Variants in KAZN observed in about 807,000 individuals in gnomAD.
KAZN encodes the protein kazrin.
Under a neutral mutation model 87.4 loss-of-function variants are expected in KAZN, and 40 were observed. That is an observed-to-expected ratio of 0.46 (90% CI 0.36 to 0.60). The LOEUF (loss-of-function observed/expected upper bound fraction) is 0.60. KAZN is among the 20% of genes least tolerant of loss of function. The pLI is 0.00. For synonymous variants in KAZN, 466 were observed against 458.3 expected (o/e 1.02, Z -0.22); for missense variants, 898 against 1,073.9 (o/e 0.84, Z 2.29).
rs569977547 is a variant in KAZN, at chr1:13,911,387, C to T, written c.91+17631C>T. ...TATAAACAACCAGATCTTGGAGAAC[C>T]CACTCACTTTCGGGATCCTGAAGTC... On this transcript the variant is annotated intron_variant, in intron 1 of 16. Transcript: ENST00000636203. Among the ~76,000 whole-genome samples, 12 of 152,202 alleles carry T rather than the reference C, an allele frequency of 7.9e-5. No individual in the cohort carries two copies. The East Asian group carries it at 2.3e-3, about 29-fold the overall frequency.
At chr1:13,923,988 G>A (rs1214340240) in intron 1 of KAZN, among the ~76,000 whole-genome samples, 1 of 152,172 alleles carries the variant, frequency 6.6e-6, no homozygotes, top group Non-Finnish European at 1.5e-5. Context: ...GGGCAGAGTG[G>A]CCTTTGGCTG....
intron 2 of KAZN, among the ~76,000 whole-genome samples, chr1:14,375,116 C>A (rs2101029171): frequency 6.6e-6 from 1 of 152,210 alleles, no homozygotes; most frequent in African/African-American, 2.4e-5. Flanking sequence ...TTAATGACCT[C>A]TATTGAAGGT....
chr1:14,381,956 A>G (rs981261180), intron 2 of KAZN, among the ~76,000 whole-genome samples: 1 of 152,222 alleles, frequency 6.6e-6, no homozygotes, highest in Non-Finnish European at 1.5e-5. Context: ...AAACTATTAG[A>G]ACTGATCAAC....
chr1:15,117,135 C>G lies in KAZN; in HGVS notation c.*2500C>G, dbSNP rs72640735. On this transcript the variant is annotated 3_prime_UTR_variant, in exon 15 of 15. Transcript: ENST00000376030. ...TGAAACGTCAACTCTGCTTCAAGGT[C>G]GGCAAGAAGAACAGAAGGCGGAGAC... The G allele has an allele frequency of 0.13, 20,237 of 152,164 alleles. 1,564 individuals are homozygous for G. Among genetic ancestry groups the G allele is most frequent in the South Asian group, 0.18 (859 of 4,816 alleles). The allele number at this position is 152,164 out of a possible 1,614,324, so 9.4% of individuals were successfully genotyped here.
intron 2 of KAZN, among the ~76,000 whole-genome samples, chr1:14,397,707 A>G (rs1002345289): frequency 4.6e-5 from 7 of 151,922 alleles, no homozygotes; most frequent in African/African-American, 1.7e-4. Flanking sequence ...AAATACAAAA[A>G]AAAATTAGCT....
chr1:14,638,041 T>C (rs1175319356), intron 1 of KAZN, among the ~76,000 whole-genome samples: 1 of 152,130 alleles, frequency 6.6e-6, no homozygotes, highest in Non-Finnish European at 1.5e-5. Context: ...TCCCTGTCTC[T>C]GTCTTTACCT....
intron 2 of KAZN, among the ~76,000 whole-genome samples, chr1:14,466,738 G>A (rs977788177): frequency 1.6e-4 from 25 of 151,900 alleles, no homozygotes; most frequent in Non-Finnish European, 2.8e-4. Context: ...GGAGGCCGAG[G>A]TGGGCAGATC....
At chr1:14,437,153 A>G (rs2101424897) in intron 2 of KAZN, among the ~76,000 whole-genome samples, 1 of 152,324 alleles carries the variant, frequency 6.6e-6, no homozygotes, top group African/African-American at 2.4e-5. Context: ...TCAGTGAGTC[A>G]GAGCCATGTG....
At chr1:14,110,332 A>G (rs1557483319) in intron 1 of KAZN, among the ~76,000 whole-genome samples, 1 of 152,202 alleles carries the variant, frequency 6.6e-6, no homozygotes, top group Non-Finnish European at 1.5e-5. Context: ...ATTACATAAG[A>G]TATATTAATA....
At chr1:14,348,336 G>A (rs1658267973) in intron 2 of KAZN, among the ~76,000 whole-genome samples, 3 of 152,276 alleles carry the variant, frequency 2.0e-5, no homozygotes, top group African/African-American at 7.2e-5. Flanking sequence ...ACAGGTGTGA[G>A]CCACTGTGCC....
chr1:14,971,751 T>C (rs1665074379), intron 2 of KAZN, among the ~76,000 whole-genome samples: 2 of 147,350 alleles, frequency 1.4e-5, no homozygotes, highest in South Asian at 4.5e-4. Context: ...GCGCGATCTC[T>C]GCTCACTGCA....
chr1:14,846,275 T>G (rs978915100), intron 1 of KAZN, among the ~76,000 whole-genome samples: 23 of 152,186 alleles, frequency 1.5e-4, no homozygotes. Context: ...ATCTAGCATT[T>G]CCCAAATGTA....
At chr1:14,868,065 T>C (rs12094795) in intron 1 of KAZN, among the ~76,000 whole-genome samples, 13,647 of 74,028 alleles carry the variant, frequency 0.18, 1,103 homozygotes, top group African/African-American at 0.31. Flanking sequence ...CGCACAGCAT[T>C]GCATACACAG....
In KAZN at chr1:15,112,861, G is replaced by C. The variant is rs147182073; in HGVS notation, c.2163+320G>C. 118 of 244,064 alleles carry C rather than the reference G, an allele frequency of 4.8e-4. 1 individual carries two copies. In the South Asian group the frequency reaches 5.5e-3, roughly 11 times the overall value. 15.1% of individuals were successfully genotyped at this position (244,064 alleles called of 1,614,324 possible). On this transcript the variant is annotated intron_variant, in intron 14 of 14. Transcript: ENST00000376030. ...GGACCCACCTTGGTCTCCTGGAAAA[G>C]GAGTTCTCTGGGGCGAGGGGGATCC...
chr1:14,984,249 C>T (rs1489921008), intron 2 of KAZN, among the ~76,000 whole-genome samples: 1 of 151,772 alleles, frequency 6.6e-6, no homozygotes, highest in Non-Finnish European at 1.5e-5. Context: ...CCCAGCTAGT[C>T]GGGAGGCTGA....
At chr1:14,806,083 G>A (rs1646210375) in intron 1 of KAZN, among the ~76,000 whole-genome samples, 2 of 152,200 alleles carry the variant, frequency 1.3e-5, no homozygotes, top group South Asian at 2.1e-4. Context: ...ATAAATGTGA[G>A]GGCATGGCCT....
intron 1 of KAZN, among the ~76,000 whole-genome samples, chr1:14,756,135 G>C (rs1028096962): frequency 2.0e-5 from 3 of 152,186 alleles, no homozygotes; most frequent in Non-Finnish European, 4.4e-5. Context: ...CAAAGCTCAT[G>C]GTGTGGCTCA....
intron 2 of KAZN, among the ~76,000 whole-genome samples, chr1:14,541,749 A>G (rs1557787546): frequency 1.3e-5 from 2 of 152,216 alleles, no homozygotes; most frequent in Admixed American, 6.5e-5. Flanking sequence ...TATGGGTTCT[A>G]ATCTCTCTTC....
intron 1 of KAZN, among the ~76,000 whole-genome samples, chr1:14,168,550 C>T (rs1021165667): frequency 4.6e-5 from 7 of 152,132 alleles, no homozygotes; most frequent in Non-Finnish European, 7.3e-5. Flanking sequence ...GATTGACAAG[C>T]AGCCAGCTTC....
Sources: allele counts gnomAD v4.1 joint callset (sites outside exome capture counted in the v4.1 genomes callset), GRCh38; gene constraint gnomAD v4.1.1; transcripts MANE v1.5; gene names NCBI Gene and HGNC (gene_info 2026-07-23, HGNC 2026-07-21).